CSMD1: variants seen among roughly 807,000 people sequenced by gnomAD.
CSMD1 encodes CUB and sushi domain-containing protein 1.
In CSMD1, 213 loss-of-function variants were observed where a neutral mutation model predicts 417.5. That is an observed-to-expected ratio of 0.51 (90% CI 0.46 to 0.57). The LOEUF is 0.57. Among genes scored for constraint, CSMD1 ranks in the 20% least tolerant of loss-of-function variants. The pLI is 0.00. For synonymous variants in CSMD1, 2,862 were observed against 1,736.8 expected (o/e 1.65, Z -16.11); for missense variants, 6,923 against 4,529.7 (o/e 1.53, Z -15.17).
At chr8:4,625,686 T>C (rs1802058025) in intron 2 of CSMD1, among the ~76,000 whole-genome samples, 1 of 152,112 alleles carries the variant, frequency 6.6e-6, no homozygotes, top group Non-Finnish European at 1.5e-5. Context: ...CAAGCAAATA[T>C]AATGATTATC....
At position 3,399,543 on chromosome 8, in the gene CSMD1, T is replaced by G. The variant is rs760300316; in HGVS notation, c.2267-14A>C. 1.9e-6 allele frequency: 3 copies of G among 1,568,770 alleles called. No individual in the cohort carries two copies. Among genetic ancestry groups the G allele is most frequent in the African/African-American group, 2.7e-5 (2 of 73,170 alleles). ...CACCACATGGAGCTAAAACAAGACG[T>G]AGAATATCTATTAGATCCAATGAGA... On this transcript the variant is annotated splice_polypyrimidine_tract_variant and intron_variant, in intron 15 of 69. Coordinates refer to ENST00000635120, the MANE Select transcript of CSMD1 (RefSeq NM_033225.6).
At chr8:3,500,688 A>C (rs1364027078) in intron 10 of CSMD1, among the ~76,000 whole-genome samples, 1 of 152,208 alleles carries the variant, frequency 6.6e-6, no homozygotes, top group Non-Finnish European at 1.5e-5. Context: ...GTTGAATGCT[A>C]CTAAGAATGT....
intron 6 of CSMD1, among the ~76,000 whole-genome samples, chr8:3,725,130 C>G (rs1802409252): frequency 6.6e-6 from 1 of 152,100 alleles, no homozygotes; most frequent in South Asian, 2.1e-4. Flanking sequence ...GAGGTAGACA[C>G]AGCAGATAGA....
At chr8:3,880,108 A>C (rs1685933205) in intron 5 of CSMD1, among the ~76,000 whole-genome samples, 2 of 151,992 alleles carry the variant, frequency 1.3e-5, no homozygotes, top group South Asian at 4.2e-4. Flanking sequence ...TACTAAATTC[A>C]TTTACTGTCA....
At chr8:4,238,057 C>A (rs1400272665) in intron 3 of CSMD1, among the ~76,000 whole-genome samples, 1 of 152,098 alleles carries the variant, frequency 6.6e-6, no homozygotes, top group Non-Finnish European at 1.5e-5. Flanking sequence ...TTTTTCTACC[C>A]TAGGAGGCCT....
intron 8 of CSMD1, among the ~76,000 whole-genome samples, chr8:3,608,786 G>A (rs1436879787): frequency 6.8e-6 from 1 of 146,808 alleles, no homozygotes; most frequent in Non-Finnish European, 1.5e-5. Flanking sequence ...AAATCATAAC[G>A]TCCAGCAGTG....
intron 3 of CSMD1, among the ~76,000 whole-genome samples, chr8:4,397,033 A>C (rs897772198): frequency 2.7e-5 from 4 of 147,526 alleles, no homozygotes; most frequent in African/African-American, 9.7e-5. Context: ...ATGAAATTAA[A>C]AAAAAAATAA....
chr8:4,743,500 T>A (rs762520324), intron 1 of CSMD1, among the ~76,000 whole-genome samples: 2 of 151,946 alleles, frequency 1.3e-5, no homozygotes, highest in African/African-American at 2.4e-5. Context: ...TCAAGTACCA[T>A]GAACCTCCTG....
chr8:4,954,220 C>T (rs1309827322), intron 1 of CSMD1, among the ~76,000 whole-genome samples: 1 of 152,158 alleles, frequency 6.6e-6, no homozygotes, highest in Non-Finnish European at 1.5e-5. Context: ...CCTCAAGGAG[C>T]TCAGAGTTTA....
chr8:3,797,036 T>C (rs1224074894), intron 5 of CSMD1, among the ~76,000 whole-genome samples: 3 of 151,862 alleles, frequency 2.0e-5, no homozygotes, highest in Non-Finnish European at 4.4e-5. Flanking sequence ...TAAAAATATA[T>C]CAGCACATAC....
At chr8:3,547,329 T>G (rs1283882077) in intron 10 of CSMD1, among the ~76,000 whole-genome samples, 1 of 152,202 alleles carries the variant, frequency 6.6e-6, no homozygotes, top group Admixed American at 6.5e-5. Flanking sequence ...AGTTTCTAAG[T>G]GAGAATGTAA....
chr8:4,610,189 A>G (rs908251524), intron 2 of CSMD1, among the ~76,000 whole-genome samples: 1 of 152,170 alleles, frequency 6.6e-6, no homozygotes, highest in African/African-American at 2.4e-5. Flanking sequence ...ATTTAAAACT[A>G]GGATGTAAAC....
At chr8:3,097,859 A>G (rs1289181492) in intron 46 of CSMD1, among the ~76,000 whole-genome samples, 3 of 152,218 alleles carry the variant, frequency 2.0e-5, no homozygotes, top group Non-Finnish European at 4.4e-5. Context: ...CCTGGTCTCA[A>G]TCCCACATGG....
intron 26 of CSMD1, among the ~76,000 whole-genome samples, chr8:3,231,082 C>G (rs1020741790): frequency 6.6e-6 from 1 of 152,118 alleles, no homozygotes; most frequent in Non-Finnish European, 1.5e-5. Flanking sequence ...CTACCGCAAG[C>G]CCAGAGTTTT....
intron 2 of CSMD1, among the ~76,000 whole-genome samples, chr8:4,466,125 G>C (rs1171852040): frequency 2.0e-5 from 3 of 152,188 alleles, no homozygotes; most frequent in Non-Finnish European, 4.4e-5. Context: ...TGGGAGGATA[G>C]TTTTATAAAG....
At position 4,393,137 on chromosome 8, in the gene CSMD1, G is replaced by A. The variant is rs190436937; in HGVS notation, c.415+26816C>T. Among the ~76,000 whole-genome samples, 184 of 152,028 alleles carry A rather than the reference G, an allele frequency of 1.2e-3. 1 individual carries two copies. The highest frequency in any genetic ancestry group is 4.1e-3 in the African/African-American group (172 of 41,530). On this transcript the variant is annotated intron_variant, in intron 3 of 69. Coordinates refer to ENST00000635120, the MANE Select transcript of CSMD1 (RefSeq NM_033225.6). ...ATTACAGGCGTGTGCCACCACGCCC[G>A]ACTAATTTTTGTATTTTTAGTAGAG...
intron 3 of CSMD1, among the ~76,000 whole-genome samples, chr8:4,361,574 C>T (rs1226198855): frequency 1.3e-5 from 2 of 152,184 alleles, no homozygotes; most frequent in Admixed American, 6.5e-5. Flanking sequence ...CAAGTTTGTT[C>T]CTCTGTGAAA....
chr8:3,829,228 C>G (rs1327500340), intron 5 of CSMD1, among the ~76,000 whole-genome samples: 1 of 152,046 alleles, frequency 6.6e-6, no homozygotes, highest in African/African-American at 2.4e-5. Flanking sequence ...CCTTCTTATG[C>G]CTTTGCATCC....
At chr8:4,073,077 T>G (rs1799642253) in intron 3 of CSMD1, among the ~76,000 whole-genome samples, 1 of 152,200 alleles carries the variant, frequency 6.6e-6, no homozygotes, top group Non-Finnish European at 1.5e-5. Flanking sequence ...TGGTTTTCTC[T>G]TTATGATCCA....
Sources: gnomAD v4.1 joint callset for allele counts (sites outside exome capture counted in the v4.1 genomes callset) on GRCh38, gnomAD v4.1.1 for gene constraint, MANE v1.5 for transcripts, NCBI Gene and HGNC (gene_info 2026-07-23, HGNC 2026-07-21) for gene names.